Variants in PITPNM3 observed in about 807,000 individuals in gnomAD.
The protein encoded by PITPNM3 is membrane-associated phosphatidylinositol transfer protein 3.
In PITPNM3, 26 loss-of-function variants were observed where a neutral mutation model predicts 102.0. The observed-to-expected ratio is 0.25, with a 90% CI of 0.19 to 0.35. The LOEUF (loss-of-function observed/expected upper bound fraction) is 0.35, where lower values mean the gene tolerates loss of function less well. Ranked by LOEUF, PITPNM3 falls within the 10% of genes least tolerant of loss-of-function variation. The probability of loss-of-function intolerance (pLI) is 1.00; values close to 1 mark genes in which losing one functional copy is unlikely to be tolerated. For synonymous variants in PITPNM3, 578 were observed against 558.6 expected (o/e 1.03, Z -0.49); for missense variants, 1,083 against 1,346.1 (o/e 0.80, Z 3.06).
At chr17:6,503,424 G>T (rs2150608136) in intron 4 of PITPNM3, 103 bp downstream of exon 4, 1 of 1,335,416 alleles carries the variant, frequency 7.5e-7, no homozygotes. Flanking sequence ...CAGGGATCCT[G>T]CCATCCTTTC....
At chr17:6,497,383 A>G (rs1270270530) in intron 4 of PITPNM3, among the ~76,000 whole-genome samples, 2 of 152,200 alleles carry the variant, frequency 1.3e-5, no homozygotes, top group Non-Finnish European at 2.9e-5. Context: ...GAGCTGAGCC[A>G]TCTACATCTC....
intron 3 of PITPNM3, among the ~76,000 whole-genome samples, chr17:6,511,941 T>C (rs772313998): frequency 9.2e-5 from 14 of 152,052 alleles, no homozygotes; most frequent in Non-Finnish European, 1.8e-4. Context: ...CGAGACTCCA[T>C]CTCAAAAAAG....
chr17:6,481,738 T>TA (rs111514331), intron 6 of PITPNM3: 1 of 140,112 alleles, frequency 7.1e-6, no homozygotes, highest in East Asian at 2.2e-4. Context: ...ATAGATCAGA[T>TA]GATAGATAGA....
chr17:6,501,215 G>A (rs1227361543), intron 4 of PITPNM3, among the ~76,000 whole-genome samples: 1 of 152,202 alleles, frequency 6.6e-6, no homozygotes, highest in Non-Finnish European at 1.5e-5. Context: ...CAGAAGGGGA[G>A]ATGATTGGTT....
chr17:6,456,438 C>G (rs1384902709), intron 19 of PITPNM3, among the ~76,000 whole-genome samples: 1 of 152,106 alleles, frequency 6.6e-6, no homozygotes, highest in African/African-American at 2.4e-5. Flanking sequence ...CTGCGACTGC[C>G]CTCCTTGCCA....
At chr17:6,501,641 G>C (rs781259543) in intron 4 of PITPNM3, among the ~76,000 whole-genome samples, 12 of 152,112 alleles carry the variant, frequency 7.9e-5, no homozygotes, top group East Asian at 1.9e-4. Flanking sequence ...TGCAGCTTTG[G>C]GGGGCTCAGT....
chr17:6,522,199 C>T (rs552909607), intron 3 of PITPNM3, among the ~76,000 whole-genome samples: 24 of 152,038 alleles, frequency 1.6e-4, no homozygotes, highest in African/African-American at 5.8e-4. Context: ...AAAGACTTCC[C>T]CCAAAAAGAA....
At chr17:6,482,162 C>A (rs1221039837) in intron 6 of PITPNM3, among the ~76,000 whole-genome samples, 1 of 151,806 alleles carries the variant, frequency 6.6e-6, no homozygotes, top group African/African-American at 2.4e-5. Flanking sequence ...GGTCATGAGA[C>A]CCTCATTTCA....
At chr17:6,462,431 G>T (rs1008170444) in intron 17 of PITPNM3, among the ~76,000 whole-genome samples, 2 of 152,048 alleles carry the variant, frequency 1.3e-5, no homozygotes, top group Non-Finnish European at 2.9e-5. Context: ...GCTGCCCCCT[G>T]AACAAACCCT....
chr17:6,552,369 G>C (rs1402853372), intron 1 of PITPNM3, among the ~76,000 whole-genome samples: 1 of 152,114 alleles, frequency 6.6e-6, no homozygotes, highest in African/African-American at 2.4e-5. Flanking sequence ...GGGGTGCAGA[G>C]GGAGGGGCAC....
chr17:6,512,378 A>T (rs892530477), intron 3 of PITPNM3, among the ~76,000 whole-genome samples: 1 of 152,214 alleles, frequency 6.6e-6, no homozygotes, highest in Non-Finnish European at 1.5e-5. Flanking sequence ...AAAGCCAACA[A>T]TGTGGAAGGA....
At position 6,485,547 on chromosome 17, in the gene PITPNM3, A is replaced by T. The variant is rs116069868; in HGVS notation, c.275-1255T>A. 4.0e-3 allele frequency among the ~76,000 whole-genome samples: 605 copies of T among 152,334 alleles called. 2 individuals are homozygous for T. Among genetic ancestry groups the T allele is most frequent in the African/African-American group, 0.014 (572 of 41,564 alleles). The stretch of plus-strand genomic sequence containing the variant: ...TATGGCTGGATACATACTTAAAAAA[A>T]AAATATCTGTTTGAAGTTAACAGAG... On this transcript the variant is annotated intron_variant, in intron 4 of 19. Transcript: ENST00000262483.
Position 6,468,393 on chromosome 17 carries a change from C to T in PITPNM3, c.1774-52G>A, listed in dbSNP as rs200015560. ...GTCAGGTCTTCTGGCTTCTCTGCTTCCCTCCCAGGGTGTCAGTGCCCACCA... is the reference window on the plus strand; with the variant it reads ...GTCAGGTCTTCTGGCTTCTCTGCTTTCCTCCCAGGGTGTCAGTGCCCACCA... On this transcript the variant is annotated intron_variant, in intron 13 of 19. Coordinates refer to ENST00000262483, the MANE Select transcript of PITPNM3 (RefSeq NM_031220.4). The surrounding 1 kb of genome is among the most constrained non-coding windows in gnomAD (Gnocchi z 5.2). The T allele has an allele frequency of 3.4e-5, 53 of 1,574,334 alleles. 1 individual carries two copies. In the South Asian group the frequency reaches 5.6e-4, roughly 17 times the overall value.
chr17:6,503,512 T>C lies in PITPNM3; in HGVS notation c.274+15A>G, dbSNP rs762963520. On this transcript the variant is annotated intron_variant, in intron 4 of 19. Coordinates refer to ENST00000262483, the MANE Select transcript of PITPNM3 (RefSeq NM_031220.4). ...AAGGGGAAGAAATGACCCCACAGGG[T>C]CAGGCTTGACTCACGCTGCTTCTCC... 9 of 1,612,338 alleles carry C rather than the reference T, an allele frequency of 5.6e-6. No homozygotes were observed. In the African/African-American group the frequency reaches 9.4e-5, roughly 17 times the overall value.
Position 6,556,402 on chromosome 17 carries a change from G to T in PITPNM3, c.5C>A (p.Ala2Asp). The change falls in exon 1 of 20, where the codon GCC becomes GAC. Residue 2 changes from alanine (A) to aspartate (D), a missense_variant. Coordinates refer to ENST00000262483, the MANE Select transcript of PITPNM3 (RefSeq NM_031220.4). The surrounding 1 kb of genome is among the most constrained non-coding windows in gnomAD (Gnocchi z 5.2). ...GCCCTCACCTGCACGGCCCGCCTTG[G>T]CCATGTCCCGGGCGGCGGGCTCCGG... M[A>D]KAGRAGGPPP... The T allele has an allele frequency of 7.5e-7, 1 of 1,333,060 alleles. No homozygotes were observed. The highest frequency in any genetic ancestry group is 9.6e-7 in the Non-Finnish European group (1 of 1,040,026). The allele number at this position is 1,333,060 out of a possible 1,614,324, so 82.6% of individuals were successfully genotyped here. A position where few individuals can be genotyped will look rare whatever the true frequency, so the allele number is the denominator to read the frequency against.
chr17:6,494,665 T>C (rs1250069725), intron 4 of PITPNM3, among the ~76,000 whole-genome samples: 4 of 152,196 alleles, frequency 2.6e-5, no homozygotes, highest in Non-Finnish European at 4.4e-5. Flanking sequence ...TGACACACTA[T>C]GGGCCAGGGT....
chr17:6,515,397 C>CAAAAAAAAAAAAA (rs61420968), intron 3 of PITPNM3, among the ~76,000 whole-genome samples: 12 of 82,202 alleles, frequency 1.5e-4, no homozygotes, highest in East Asian at 3.1e-4. Context: ...GACTCCATCT[C>CAAAAAAAAAAAAA]AAAAAAAAAA....
intron 2 of PITPNM3, among the ~76,000 whole-genome samples, chr17:6,527,213 T>G (rs930302025): frequency 6.6e-6 from 1 of 152,180 alleles, no homozygotes; most frequent in Non-Finnish European, 1.5e-5. Flanking sequence ...TAAACAAATA[T>G]GAGGTGATAT....
chr17:6,484,654 AG>A (rs983910148), intron 4 of PITPNM3, among the ~76,000 whole-genome samples: 6 of 152,310 alleles, frequency 3.9e-5, no homozygotes, highest in Admixed American at 3.3e-4. Context: ...ATTTGAGCAA[AG>A]CCTCCCGCTG....
Sources: gnomAD v4.1 joint callset for allele counts (sites outside exome capture counted in the v4.1 genomes callset) on GRCh38, gnomAD v4.1.1 for gene constraint, Gnocchi (gnomAD v3.1) non-coding constraint, MANE v1.5 for transcripts, NCBI Gene and HGNC (gene_info 2026-07-23, HGNC 2026-07-21) for gene names.